The following PGK1 variants were observed in gnomAD, a reference collection of about 807,000 sequenced individuals.
PGK1 encodes the protein PRP 2.
In PGK1, 3 loss-of-function variants were observed where a neutral mutation model predicts 26.9. That is an observed-to-expected ratio of 0.11 (90% CI 0.05 to 0.29). The LOEUF (loss-of-function observed/expected upper bound fraction) is 0.29. Ranked by LOEUF, PGK1 falls within the 10% of genes least tolerant of loss-of-function variation. The pLI is 1.00. For missense variants in PGK1, 270 were observed against 314.7 expected, an observed-to-expected ratio of 0.86 and a Z score of 1.07; for synonymous variants, 125 against 115.3, an observed-to-expected ratio of 1.08 and a Z score of -0.54.
At position 78,118,135 on chromosome X, in the gene PGK1, G is replaced by C; in HGVS notation, c.606G>C (p.Glu202Asp). Residue 202 changes from glutamate (E) to aspartate (D), a missense_variant, in exon 6 of 11, where the codon GAG becomes GAC. Physicochemically the swap from Glu to Asp is conservative, Grantham distance 45 (BLOSUM62 2). Around this residue, in one of 3 missense-constraint regions of PGK1, gnomAD observed 150 missense variants for 154.6 expected, o/e 0.97. Transcript: ENST00000373316. ...KELNYFAKAL[E>D]SPERPFLAIL... ...TGAACTACTTTGCAAAGGCCTTGGA[G>C]AGCCCAGAGCGACCCTTCCTGGCCA... 8.3e-7 allele frequency: 1 copy of C among 1,210,095 alleles called. No homozygotes were observed. Among genetic ancestry groups the C allele is most frequent in the African/African-American group, 1.7e-5 (1 of 57,726 alleles).
chrX:78,107,116 T>G, intron 1 of PGK1, among the ~76,000 whole-genome samples: 1 of 111,591 alleles, frequency 9.0e-6, no homozygotes, highest in East Asian at 2.8e-4. Flanking sequence ...TTATTCCAGC[T>G]AAATCAGTAT....
Position 78,118,275 on chromosome X carries a change from A to C in PGK1, c.641+105A>C, listed in dbSNP as rs782483716. ...ATAGCTCAGTCACACTGGGTAACTGAGGAGAATTTAATAAAGGAACTACAG... is the reference window on the plus strand; with the variant it reads ...ATAGCTCAGTCACACTGGGTAACTGCGGAGAATTTAATAAAGGAACTACAG... On this transcript the variant is annotated intron_variant, in intron 6 of 10. Coordinates refer to ENST00000373316, the MANE Select transcript of PGK1 (RefSeq NM_000291.4). 2.1e-4 allele frequency: 184 copies of C among 874,974 alleles called. No individual in the cohort carries two copies. The South Asian group carries it at 3.6e-3, about 17-fold the overall frequency. 72.1% of individuals were successfully genotyped at this position (874,974 alleles called of 1,213,427 possible).
Position 78,106,302 on chromosome X carries a change from A to G in PGK1, c.65+1897A>G, listed in dbSNP as rs1437887985. 4.0e-5 allele frequency: 20 copies of G among 496,340 alleles called. No homozygotes were observed. The African/African-American group carries it at 5.2e-4, about 13-fold the overall frequency. 40.9% of individuals were successfully genotyped at this position (496,340 alleles called of 1,213,427 possible). A position where few individuals can be genotyped will look rare whatever the true frequency, so the allele number is the denominator to read the frequency against. Reference sequence around the variant, plus strand: ...ATTTAGGTCTCCTTGGCTATCAACTAGATCCTCTGAATATTCGAGACAATG... The same window carrying G: ...ATTTAGGTCTCCTTGGCTATCAACTGGATCCTCTGAATATTCGAGACAATG... On this transcript the variant is annotated intron_variant, in intron 1 of 10. Coordinates refer to ENST00000373316, the MANE Select transcript of PGK1 (RefSeq NM_000291.4).
Position 78,106,418 on chromosome X carries a change from A to G in PGK1, c.65+2013A>G, listed in dbSNP as rs782065334. ...GGACAGGAAGTTACATGGTTCCCTGATTATTAATGTATTTCTTTTGAACAG... is the reference window on the plus strand; with the variant it reads ...GGACAGGAAGTTACATGGTTCCCTGGTTATTAATGTATTTCTTTTGAACAG... On this transcript the variant is annotated intron_variant, in intron 1 of 10. Transcript: ENST00000373316. 10 of 746,858 alleles carry G rather than the reference A, an allele frequency of 1.3e-5. No individual in the cohort carries two copies. The African/African-American group carries it at 2.3e-4, about 17-fold the overall frequency. 61.5% of individuals were successfully genotyped at this position (746,858 alleles called of 1,213,427 possible). A position where few individuals can be genotyped will look rare whatever the true frequency, so the allele number is the denominator to read the frequency against.
In PGK1 at chrX:78,129,238, T is replaced by TATCTATCTATCTA; in HGVS notation, c.*3409_*3421dup. The TATCTATCTATCTA allele has an allele frequency of 9.1e-6, 1 of 109,862 alleles. No individual in the cohort carries two copies. Among genetic ancestry groups the TATCTATCTATCTA allele is most frequent in the East Asian group, 2.9e-4 (1 of 3,454 alleles). The allele number at this position is 109,862 out of a possible 1,213,427, so 9.1% of individuals were successfully genotyped here. On this transcript the variant is annotated 3_prime_UTR_variant, in exon 11 of 11. Transcript: ENST00000373316. The stretch of plus-strand genomic sequence containing the variant: ...GTGTGTACCTATCTATCTATCTATC[T>TATCTATCTATCTA]ATCTATCTATCTATCTATCTATCTG...
chrX:78,113,322 A>C (rs782509400), intron 2 of PGK1, among the ~76,000 whole-genome samples: 2 of 111,529 alleles, frequency 1.8e-5, no homozygotes, highest in East Asian at 5.6e-4. Context: ...GAAAAGAAAA[A>C]AAAAATTCTA....
At chrX:78,109,682 G>C (rs1401842224) in intron 1 of PGK1, among the ~76,000 whole-genome samples, 185 bp from the exon 2 acceptor site, 1 of 111,157 alleles carries the variant, frequency 9.0e-6, no homozygotes, top group Non-Finnish European at 1.9e-5. Context: ...CTCTGGTGTC[G>C]TTATCCCAGT....
intron 4 of PGK1, among the ~76,000 whole-genome samples, 175 bp downstream of exon 4, chrX:78,114,335 C>T (rs2078316256): frequency 8.9e-6 from 1 of 111,908 alleles, no homozygotes; most frequent in Admixed American, 9.4e-5. Flanking sequence ...TAACCACCAC[C>T]CAGGTCAAGG....
Position 78,104,353 on chromosome X carries a change from A to G in PGK1, c.13A>G (p.Asn5Asp). 2 of 1,206,230 alleles carry G rather than the reference A, an allele frequency of 1.7e-6. No individual in the cohort carries two copies. Among genetic ancestry groups the G allele is most frequent in the Non-Finnish European group, 2.2e-6 (2 of 890,234 alleles). Residue 5 changes from asparagine to aspartate, a missense_variant, in exon 1 of 11, where the codon AAC (asparagine) becomes GAC (aspartate). Physicochemically the swap from Asn to Asp is conservative, Grantham distance 23. Around this residue, in one of 3 missense-constraint regions of PGK1, gnomAD observed 150 missense variants for 154.6 expected, o/e 0.97. Coordinates refer to ENST00000373316, the MANE Select transcript of PGK1 (RefSeq NM_000291.4). MSLSNKLTLDKLDVK... is the reference protein window; with the variant it reads MSLSDKLTLDKLDVK... Reference sequence around the variant, plus strand: ...CTGTATTTCCAAAATGTCGCTTTCTAACAAGCTGACGCTGGACAAGCTGGA... The same window carrying G: ...CTGTATTTCCAAAATGTCGCTTTCTGACAAGCTGACGCTGGACAAGCTGGA...
At chrX:78,114,551 A>G (rs1462967913) in intron 4 of PGK1, among the ~76,000 whole-genome samples, 2 of 105,877 alleles carry the variant, frequency 1.9e-5, no homozygotes, top group Non-Finnish European at 3.8e-5. Flanking sequence ...AGGTACAGGT[A>G]TCGACTTATT....
rs2078366660 is a variant in PGK1 at position 78,123,392 on chromosome X, G to A, written c.936+18G>A. On this transcript the variant is annotated intron_variant, in intron 8 of 10. Transcript: ENST00000373316. ...GCTGGATGGTGAGTCACTTGAGTGG[G>A]TTGGTAGTGTGAGTGAACAGAAACT... is the stretch of plus-strand genomic sequence containing the variant. The A allele has an allele frequency of 2.6e-6, 3 of 1,164,435 alleles. No homozygotes were observed. Among genetic ancestry groups the A allele is most frequent in the Non-Finnish European group, 3.5e-6 (3 of 853,695 alleles).
chrX:78,126,443 T>TTG lies in PGK1; in HGVS notation c.*616_*617dup. The TTG allele has an allele frequency of 8.9e-6, 1 of 112,685 alleles. No individual in the cohort carries two copies. Among genetic ancestry groups the TTG allele is most frequent in the East Asian group, 2.8e-4 (1 of 3,588 alleles). The allele number at this position is 112,685 out of a possible 1,213,427, so 9.3% of individuals were successfully genotyped here. ...TCAAGGGCCTACTTTATGGCAGACA[T>TTG]TGTGCTAGTGCTTTTATTCTAACTT... is the stretch of plus-strand genomic sequence containing the variant. On this transcript the variant is annotated 3_prime_UTR_variant, in exon 11 of 11. Coordinates refer to ENST00000373316, the MANE Select transcript of PGK1 (RefSeq NM_000291.4).
rs782415977 is a variant in PGK1, at chrX:78,113,892, C to G, written c.265C>G (p.Leu89Val). 3 of 1,209,578 alleles carry G rather than the reference C, an allele frequency of 2.5e-6. No individual in the cohort carries two copies. The African/African-American group carries it at 5.2e-5, about 21-fold the overall frequency. The change falls in exon 3 of 11, where the codon CTG becomes GTG. Residue 89 changes from leucine (L) to valine (V), a missense_variant. This residue lies in a region of PGK1 where 150 missense variants were observed against 154.6 expected (regional missense o/e 0.97). Coordinates refer to ENST00000373316, the MANE Select transcript of PGK1 (RefSeq NM_000291.4). ...AGTTGCTGTAGAACTCAAATCTCTG[C>G]TGGGCAAGTAAGTGCCAGGCTCTGG... ...EPVAVELKSLLGKDVLFLKDC... is the reference protein window; with the variant it reads ...EPVAVELKSLVGKDVLFLKDC...
chrX:78,113,069 G>T (rs192609636), intron 2 of PGK1, among the ~76,000 whole-genome samples: 43 of 111,926 alleles, frequency 3.8e-4, no homozygotes, highest in African/African-American at 1.1e-3. Context: ...GGAGGCTGAG[G>T]CCTGCAGATA....
At position 78,123,243 on chromosome X, in the gene PGK1, C is replaced by T. The variant is rs1557248232; in HGVS notation, c.805C>T (p.Leu269=). The T allele has an allele frequency of 8.3e-7, 1 of 1,206,768 alleles. No homozygotes were observed. Among genetic ancestry groups the T allele is most frequent in the South Asian group, 1.8e-5 (1 of 56,856 alleles). The change falls in exon 8 of 11, where the codon CTA becomes TTA. Residue 269 remains leucine, a synonymous_variant. Transcript: ENST00000373316. ...DEEGAKIVKD[L]MSKAEKNGVK... is the part of the protein sequence containing the mutation. ...AGAGGGAGCCAAGATTGTCAAAGAC[C>T]TAATGTCCAAAGCTGAGAAGAATGG...
intron 8 of PGK1, among the ~76,000 whole-genome samples, chrX:78,124,307 C>G (rs975684109): frequency 8.9e-6 from 1 of 111,824 alleles, no homozygotes; most frequent in Admixed American, 9.5e-5. Flanking sequence ...AATGCAAGTT[C>G]TTGGGTCCCA....
In PGK1 at chrX:78,125,328, T is replaced by A. The variant is rs2078377534; in HGVS notation, c.1116T>A (p.Gly372=). ...TTTTACCTGGCTTTCATTCAACAGG[T>A]GGTGGAGACACTGCCACTTGCTGTG... ...ATSRGCITII[G]GGDTATCCAK... The change falls in exon 10 of 11, where the codon GGT becomes GGA. Residue 372 remains glycine, a splice_region_variant and synonymous_variant. Coordinates refer to ENST00000373316, the MANE Select transcript of PGK1 (RefSeq NM_000291.4). 8.5e-7 allele frequency: 1 copy of A among 1,182,600 alleles called. No homozygotes were observed. The highest frequency in any genetic ancestry group is 1.1e-6 in the Non-Finnish European group (1 of 871,182).
In PGK1 at chrX:78,117,431, T is replaced by G; in HGVS notation, c.521+16T>G. On this transcript the variant is annotated intron_variant, in intron 5 of 10. Coordinates refer to ENST00000373316, the MANE Select transcript of PGK1 (RefSeq NM_000291.4). ...GAGCCCACAGGTACCAAGAACCTTG[T>G]AGACTACCACACTGAGAACAGTATT... 1 of 994,489 alleles carries G rather than the reference T, an allele frequency of 1.0e-6. No individual in the cohort carries two copies. The highest frequency in any genetic ancestry group is 1.4e-6 in the Non-Finnish European group (1 of 696,956). The allele number at this position is 994,489 out of a possible 1,213,427, so 82.0% of individuals were successfully genotyped here.
At chrX:78,115,966 A>C (rs2078324725) in intron 4 of PGK1, among the ~76,000 whole-genome samples, 1 of 110,139 alleles carries the variant, frequency 9.1e-6, no homozygotes, top group Admixed American at 9.7e-5. Context: ...CTCCTGCCTC[A>C]TCCTTGTAGG....
Sources: allele counts gnomAD v4.1 joint callset (sites outside exome capture counted in the v4.1 genomes callset), GRCh38; gene constraint gnomAD v4.1.1; regional missense constraint gnomAD v4.1.1; transcripts MANE v1.5; gene names NCBI Gene and HGNC (gene_info 2026-07-23, HGNC 2026-07-21).